The following ANGEL2 variants were observed in gnomAD, a reference collection of about 807,000 sequenced individuals.
ANGEL2 encodes angel homolog 2.
Under a neutral mutation model 66.0 loss-of-function variants are expected in ANGEL2, and 41 were observed. The observed-to-expected ratio is 0.62, with a 90% CI of 0.48 to 0.81. ANGEL2 has a LOEUF of 0.81. Ranked by LOEUF, ANGEL2 falls within the 30% of genes least tolerant of loss-of-function variation. The pLI is 0.00. For synonymous variants in ANGEL2, 208 were observed against 226.5 expected (o/e 0.92, Z 0.73); for missense variants, 561 against 641.6 (o/e 0.87, Z 1.36).
chr1:212,997,557 G>A (rs1257343431), intron 7 of ANGEL2, among the ~76,000 whole-genome samples: 1 of 152,130 alleles, frequency 6.6e-6, no homozygotes, highest in Non-Finnish European at 1.5e-5. Flanking sequence ...ACATACTAAT[G>A]TGTTTTTTCA....
rs201441687 is a variant in ANGEL2 at position 213,008,201 on chromosome 1, T to G, written c.642+9A>C. 1 of 1,607,688 alleles carries G rather than the reference T, an allele frequency of 6.2e-7. No individual in the cohort carries two copies. The highest frequency in any genetic ancestry group is 8.5e-7 in the Non-Finnish European group (1 of 1,176,492). ...TATGTGAAGAATTTCAATAATATTT[T>G]GCACTTACGTCTGCATCAAAATGTT... On this transcript the variant is annotated intron_variant, in intron 3 of 8. Coordinates refer to ENST00000366962, the MANE Select transcript of ANGEL2 (RefSeq NM_144567.5).
In ANGEL2 at chr1:212,992,649, G is replaced by A. The variant is rs1215350209; in HGVS notation, c.*2392C>T. On this transcript the variant is annotated 3_prime_UTR_variant, in exon 9 of 9. Transcript: ENST00000366962. Reference sequence around the variant, plus strand: ...CACAAAATAATACTTCATTTGATAAGCTAAAGTAAAGAGCAATTTTATGGA... The same window carrying A: ...CACAAAATAATACTTCATTTGATAAACTAAAGTAAAGAGCAATTTTATGGA... 1 of 152,164 alleles carries A rather than the reference G, an allele frequency of 6.6e-6. No individual in the cohort carries two copies. Among genetic ancestry groups the A allele is most frequent in the African/African-American group, 2.4e-5 (1 of 41,440 alleles). The allele number at this position is 152,164 out of a possible 1,614,324, so 9.4% of individuals were successfully genotyped here. A position where few individuals can be genotyped will look rare whatever the true frequency, so the allele number is the denominator to read the frequency against.
In ANGEL2 at chr1:212,993,732, C is replaced by T. The variant is rs888883666; in HGVS notation, c.*1309G>A. On this transcript the variant is annotated 3_prime_UTR_variant, in exon 9 of 9. Transcript: ENST00000366962. ...AGCACCATCTCATACTGGTGCATCA[C>T]GGTAAAAGAAAACATTTTAGAAACA... 2.6e-5 allele frequency: 4 copies of T among 152,186 alleles called. No homozygotes were observed. Among genetic ancestry groups the T allele is most frequent in the Non-Finnish European group, 4.4e-5 (3 of 68,042 alleles). The allele number at this position is 152,186 out of a possible 1,614,324, so 9.4% of individuals were successfully genotyped here. A position where few individuals can be genotyped will look rare whatever the true frequency, so the allele number is the denominator to read the frequency against.
chr1:213,005,041 T>A lies in ANGEL2; in HGVS notation c.1126A>T (p.Ile376Leu), dbSNP rs41277166. Residue 376 changes from isoleucine (I) to leucine (L), a missense_variant, in exon 5 of 9, where the codon ATA (isoleucine) becomes TTA (leucine). Ile to Leu is a conservative substitution (Grantham distance 5). Transcript: ENST00000366962. ...ATGAAGAAAGCACTTACCTTTCCTA[T>A]GGGAAGTCCTTCATAATTCAATTTT... is the stretch of plus-strand genomic sequence containing the variant. ...EGKLNYEGLP[I>L]GKVSGQEQSS... is the part of the protein sequence containing the mutation. 12 of 1,555,294 alleles carry A rather than the reference T, an allele frequency of 7.7e-6. No individual in the cohort carries two copies.
chr1:213,008,305 T>C lies in ANGEL2; in HGVS notation c.547A>G (p.Asn183Asp). ...CGGCAATGTCTATAAAGGTGAGAGT[T>C]ATCTTCCAGTAAATCTTGTGAAAGT... ...NILSQDLLED[N>D]SHLYRHCRRP... is the part of the protein sequence containing the mutation. The change falls in exon 3 of 9, where the codon AAC becomes GAC. Residue 183 changes from asparagine to aspartate, a missense_variant. Physicochemically the swap from Asn to Asp is conservative, Grantham distance 23. Coordinates refer to ENST00000366962, the MANE Select transcript of ANGEL2 (RefSeq NM_144567.5). 6.2e-7 allele frequency: 1 copy of C among 1,614,196 alleles called. No homozygotes were observed. Among genetic ancestry groups the C allele is most frequent in the Non-Finnish European group, 8.5e-7 (1 of 1,180,012 alleles).
At chr1:213,004,062 G>C (rs1042085346) in intron 5 of ANGEL2, among the ~76,000 whole-genome samples, 2 of 151,938 alleles carry the variant, frequency 1.3e-5, no homozygotes, top group Non-Finnish European at 2.9e-5. Flanking sequence ...AAAATTAGCC[G>C]GGCTTGGTGG....
chr1:213,005,183 TAG>T lies in ANGEL2; in HGVS notation c.982_983del (p.Leu328ThrfsTer23). The T allele has an allele frequency of 2.5e-6, 4 of 1,614,252 alleles. No individual in the cohort carries two copies. Among genetic ancestry groups the T allele is most frequent in the Non-Finnish European group, 3.4e-6 (4 of 1,180,038 alleles). On this transcript the variant is annotated frameshift_variant, in exon 5 of 9. Transcript: ENST00000366962. LOFTEE classifies it high-confidence loss of function. ...GDIKLTQLAM[L>X]LAEISSVAHQ... ...GGGCAACACTGGAAATCTCTGCCAG[TAG>T]CATTGCCAATTGCGTCAGCTTAATA...
At chr1:213,011,592 G>C in intron 2 of ANGEL2, 1 of 431,922 alleles carries the variant, frequency 2.3e-6, no homozygotes, top group South Asian at 7.6e-5. Flanking sequence ...CAGTGTGTTA[G>C]GCACTTTGAC....
intron 8 of ANGEL2, among the ~76,000 whole-genome samples, chr1:212,996,636 AAAAAATAT>A (rs2076021231): frequency 1.2e-4 from 5 of 41,950 alleles, no homozygotes; most frequent in Admixed American, 8.0e-4. Flanking sequence ...AAAAAAAAAA[AAAAAATAT>A]ATATATATAT....
chr1:213,000,348 C>G lies in ANGEL2; in HGVS notation c.1297G>C (p.Glu433Gln). Residue 433 changes from glutamate to glutamine, a missense_variant, in exon 7 of 9, where the codon GAG (glutamate) becomes CAG (glutamine). Transcript: ENST00000366962. ...DLTQTQLKQT[E>Q]VLVTAEKLSS... Reference sequence around the variant, plus strand: ...CACTTTTCAGCTGTCACTAGGACCTCTGTTTGCTTCAGCTGTGTTTGTGTC... The same window carrying G: ...CACTTTTCAGCTGTCACTAGGACCTGTGTTTGCTTCAGCTGTGTTTGTGTC... 6.2e-7 allele frequency: 1 copy of G among 1,613,902 alleles called. No individual in the cohort carries two copies. The highest frequency in any genetic ancestry group is 1.1e-5 in the South Asian group (1 of 91,070).
chr1:212,993,317 A>T lies in ANGEL2; in HGVS notation c.*1724T>A, dbSNP rs180808745. 1 of 152,212 alleles carries T rather than the reference A, an allele frequency of 6.6e-6. No homozygotes were observed. The highest frequency in any genetic ancestry group is 2.1e-4 in the South Asian group (1 of 4,830). The allele number at this position is 152,212 out of a possible 1,614,324, so 9.4% of individuals were successfully genotyped here. A position where few individuals can be genotyped will look rare whatever the true frequency, so the allele number is the denominator to read the frequency against. On this transcript the variant is annotated 3_prime_UTR_variant, in exon 9 of 9. Coordinates refer to ENST00000366962, the MANE Select transcript of ANGEL2 (RefSeq NM_144567.5). Reference sequence around the variant, plus strand: ...GCGTGAGACACCATCTAAAAAATAAAAAAATAAAAACCCCCCAAAATGAGA... The same window carrying T: ...GCGTGAGACACCATCTAAAAAATAATAAAATAAAAACCCCCCAAAATGAGA...
In ANGEL2 at chr1:212,995,224, A is replaced by G. The variant is rs373377591; in HGVS notation, c.1484-32T>C. 5.1e-6 allele frequency: 8 copies of G among 1,563,394 alleles called. No individual in the cohort carries two copies. In the African/African-American group the frequency reaches 5.5e-5, roughly 11 times the overall value. On this transcript the variant is annotated intron_variant, in intron 8 of 8. Transcript: ENST00000366962. ...TAAAGAAGCACACACATATTTAGTAAAATTGTCAACGGGTTATTGTAAATT... is the reference window on the plus strand; with the variant it reads ...TAAAGAAGCACACACATATTTAGTAGAATTGTCAACGGGTTATTGTAAATT...
chr1:213,004,920 T>G, intron 5 of ANGEL2, 113 bp downstream of exon 5: 2 of 536,906 alleles, frequency 3.7e-6, no homozygotes, highest in South Asian at 5.2e-5. Flanking sequence ...TTTGATAAAG[T>G]GAGGGTACTG....
In ANGEL2 at chr1:212,997,183, T is replaced by C. The variant is rs1381159514; in HGVS notation, c.1455A>G (p.Ala485=). 6.2e-7 allele frequency: 1 copy of C among 1,613,676 alleles called. No individual in the cohort carries two copies. Among genetic ancestry groups the C allele is most frequent in the Non-Finnish European group, 8.5e-7 (1 of 1,179,642 alleles). ...GGTGCCCAGCAACATCTTCCTTTTC[T>C]GCAGAGTAGAAAATATAATCCACAG... The part of the protein sequence containing the change: ...AITVDYIFYS[A]EKEDVAGHPG... The change falls in exon 8 of 9, where the codon GCA becomes GCG. Residue 485 remains alanine (A), a synonymous_variant. Transcript: ENST00000366962.
intron 1 of ANGEL2, chr1:213,015,215 C>T (rs1244711478): frequency 1.4e-5 from 15 of 1,054,300 alleles, no homozygotes; most frequent in Non-Finnish European, 1.6e-5. Context: ...ATCAGGCCCG[C>T]CGAGACCTAC....
chr1:213,013,801 C>T (rs1436657727), intron 1 of ANGEL2, among the ~76,000 whole-genome samples: 1 of 152,138 alleles, frequency 6.6e-6, no homozygotes, highest in East Asian at 1.9e-4. Flanking sequence ...ATACTGAAAT[C>T]GAATAAGGAA....
intron 4 of ANGEL2, chr1:213,006,408 G>A (rs1396984194): frequency 6.7e-6 from 1 of 148,568 alleles, no homozygotes; most frequent in Non-Finnish European, 1.5e-5. Flanking sequence ...AGCTTGCAGT[G>A]AGCCGAGATT....
Position 213,005,682 on chromosome 1 carries a change from C to T in ANGEL2, c.713-228G>A, listed in dbSNP as rs971647475. Among the ~76,000 whole-genome samples, 7 of 152,186 alleles carry T rather than the reference C, an allele frequency of 4.6e-5. No homozygotes were observed. In the East Asian group the frequency reaches 5.8e-4, roughly 13 times the overall value. ...ATGCTAATGTGTATTATCAGTCTCC[C>T]GTTGCCATCCTAGTAAAACTTAGTC... On this transcript the variant is annotated intron_variant, in intron 4 of 8. Transcript: ENST00000366962.
chr1:213,000,507 T>C (rs1407275810), intron 6 of ANGEL2, 124 bp from the exon 7 acceptor site: 2 of 892,572 alleles, frequency 2.2e-6, no homozygotes, highest in Non-Finnish European at 3.3e-6. Flanking sequence ...ACATGTTTCA[T>C]TCTGGAATCT....
Sources: gnomAD v4.1 joint callset for allele counts (sites outside exome capture counted in the v4.1 genomes callset) on GRCh38, gnomAD v4.1.1 for gene constraint, MANE v1.5 for transcripts, NCBI Gene and HGNC (gene_info 2026-07-23, HGNC 2026-07-21) for gene names.